Variants in CACNA2D3 observed in about 807,000 individuals in gnomAD.
CACNA2D3 encodes calcium voltage-gated channel auxiliary subunit alpha2delta 3.
A neutral mutation model predicts 160.6 loss-of-function variants in CACNA2D3; 60 were observed. That is an observed-to-expected ratio of 0.37 (90% confidence interval 0.30 to 0.46). The LOEUF is 0.46. Ranked by LOEUF, CACNA2D3 falls within the 20% of genes least tolerant of loss-of-function variation. The pLI, the probability that CACNA2D3 is intolerant of heterozygous loss-of-function variation, is 1.00. For synonymous variants in CACNA2D3, 558 were observed against 492.9 expected (o/e 1.13, Z -1.75); for missense variants, 1,205 against 1,365.0 (o/e 0.88, Z 1.85).
chr3:54,295,141 T>C (rs1184539584), intron 2 of CACNA2D3, among the ~76,000 whole-genome samples: 1 of 152,146 alleles, frequency 6.6e-6, no homozygotes, highest in East Asian at 1.9e-4. Context: ...TAGAAAACCC[T>C]GGAGGTGTAG....
At chr3:54,927,869 C>G (rs1223304459) in intron 27 of CACNA2D3, 1 of 1,612,724 alleles carries the variant, frequency 6.2e-7, no homozygotes, top group Non-Finnish European at 8.5e-7. Flanking sequence ...TTCTCCCAGA[C>G]AAGAACTTTT....
intron 24 of CACNA2D3, among the ~76,000 whole-genome samples, chr3:54,889,720 A>T (rs905871163): frequency 2.0e-5 from 3 of 152,130 alleles, no homozygotes; most frequent in Non-Finnish European, 4.4e-5. Flanking sequence ...TGCCATTTTC[A>T]TTATTAGGGG....
chr3:54,873,214 G>A (rs1322498768), intron 18 of CACNA2D3, among the ~76,000 whole-genome samples: 2 of 152,026 alleles, frequency 1.3e-5, no homozygotes, highest in Non-Finnish European at 2.9e-5. Flanking sequence ...CTGTTCTGGG[G>A]AGTAAGTAAG....
chr3:54,873,681 C>T (rs913361420), intron 18 of CACNA2D3, among the ~76,000 whole-genome samples: 14 of 152,184 alleles, frequency 9.2e-5, no homozygotes, highest in African/African-American at 3.4e-4. Context: ...CAGAGTTGGA[C>T]ATCTCAAGCA....
intron 2 of CACNA2D3, among the ~76,000 whole-genome samples, chr3:54,240,394 TATA>T (rs1327215623): frequency 2.0e-5 from 3 of 152,262 alleles, no homozygotes; most frequent in African/African-American, 7.2e-5. Context: ...AATTACTAGA[TATA>T]ATAATGCTTC....
At chr3:54,842,568 CTCTTTTCTTT>C (rs371661030) in intron 16 of CACNA2D3, among the ~76,000 whole-genome samples, 1 of 151,486 alleles carries the variant, frequency 6.6e-6, no homozygotes, top group Non-Finnish European at 1.5e-5. Flanking sequence ...CTTTTTTCTT[CTCTTTTCTTT>C]TCTTTTCTCT....
chr3:54,812,745 G>A (rs1369069131), intron 13 of CACNA2D3, among the ~76,000 whole-genome samples: 2 of 152,178 alleles, frequency 1.3e-5, no homozygotes, highest in Admixed American at 6.5e-5. Context: ...TGGAGCAGAC[G>A]TGGGTCCACA....
At chr3:54,641,332 G>A (rs754787604) in intron 10 of CACNA2D3, among the ~76,000 whole-genome samples, 27 of 152,244 alleles carry the variant, frequency 1.8e-4, no homozygotes, top group African/African-American at 6.5e-4. Context: ...CTGGCAGTTG[G>A]TTGAAAGAAT....
chr3:55,012,303 GTTTT>G (rs1204097872), intron 34 of CACNA2D3, among the ~76,000 whole-genome samples: 1 of 149,892 alleles, frequency 6.7e-6, no homozygotes, highest in Non-Finnish European at 1.5e-5. Flanking sequence ...GGTGGTGGTG[GTTTT>G]TTTTTTAACC....
chr3:54,681,083 C>G (rs1459431636), intron 11 of CACNA2D3, among the ~76,000 whole-genome samples: 3 of 151,438 alleles, frequency 2.0e-5, no homozygotes, highest in African/African-American at 7.3e-5. Flanking sequence ...TATGGAGTTC[C>G]CATTTTTAAA....
chr3:54,546,130 C>T (rs945131636), intron 5 of CACNA2D3, among the ~76,000 whole-genome samples: 8 of 152,062 alleles, frequency 5.3e-5, no homozygotes, highest in South Asian at 2.1e-4. Flanking sequence ...CTGGAACTAC[C>T]GGACAACAGG....
chr3:54,149,213 C>A (rs1223405265), intron 2 of CACNA2D3, among the ~76,000 whole-genome samples: 1 of 151,552 alleles, frequency 6.6e-6, no homozygotes, highest in Non-Finnish European at 1.5e-5. Context: ...TGTGGCCCGA[C>A]CCCTTTCTTG....
rs2106851916 is a variant in CACNA2D3, at chr3:54,463,943, G to T, written c.382-39549G>T. Among the ~76,000 whole-genome samples, 3 of 151,766 alleles carry T rather than the reference G, an allele frequency of 2.0e-5. 1 individual carries two copies. The South Asian group carries it at 6.2e-4, about 32-fold the overall frequency. ...TTTGATGATGGCGATGTACAGATGG[G>T]ATTTTGGTGTGGATGTCCTTTCTGT... On this transcript the variant is annotated intron_variant, in intron 4 of 37. Transcript: ENST00000474759.
chr3:55,059,477 C>T (rs1017407759), intron 35 of CACNA2D3, among the ~76,000 whole-genome samples: 1 of 152,180 alleles, frequency 6.6e-6, no homozygotes, highest in Non-Finnish European at 1.5e-5. Flanking sequence ...GGCTGCTGCT[C>T]AAACCCCTTA....
chr3:54,294,946 C>T (rs531648938), intron 2 of CACNA2D3, among the ~76,000 whole-genome samples: 1 of 147,130 alleles, frequency 6.8e-6, no homozygotes, highest in African/African-American at 2.5e-5. Flanking sequence ...TACACCAGAT[C>T]ATTGCCTTGC....
At chr3:54,406,627 A>G (rs1430881183) in intron 4 of CACNA2D3, among the ~76,000 whole-genome samples, 1 of 152,132 alleles carries the variant, frequency 6.6e-6, no homozygotes, top group African/African-American at 2.4e-5. Flanking sequence ...TTAGATATAT[A>G]GAGATAGAGA....
intron 9 of CACNA2D3, among the ~76,000 whole-genome samples, chr3:54,613,177 G>C (rs753439829): frequency 1.3e-5 from 2 of 152,194 alleles, no homozygotes; most frequent in African/African-American, 4.8e-5. Flanking sequence ...TACCTGCCAG[G>C]TAGACTGTAC....
At chr3:54,296,769 G>T (rs1575378354) in intron 2 of CACNA2D3, among the ~76,000 whole-genome samples, 1 of 152,138 alleles carries the variant, frequency 6.6e-6, no homozygotes, top group Non-Finnish European at 1.5e-5. Context: ...CTTGTTTTTA[G>T]CTAAAAAGCC....
intron 30 of CACNA2D3, among the ~76,000 whole-genome samples, chr3:54,985,941 C>T (rs1393093533): frequency 6.6e-6 from 1 of 152,086 alleles, no homozygotes; most frequent in East Asian, 1.9e-4. Flanking sequence ...TGGGACAGTC[C>T]GTGGACATTA....
Sources: gnomAD v4.1 joint callset for allele counts (sites outside exome capture counted in the v4.1 genomes callset) on GRCh38, gnomAD v4.1.1 for gene constraint, MANE v1.5 for transcripts, NCBI Gene and HGNC (gene_info 2026-07-23, HGNC 2026-07-21) for gene names.